Variants in ACO2 observed in about 807,000 individuals in gnomAD.
The protein encoded by ACO2 is aconitate hydratase, mitochondrial.
ACO2 carries 31 observed loss-of-function variants against 84.5 expected under a neutral mutation model. The ratio of observed to expected loss-of-function variants is 0.37; its 90% confidence interval spans 0.28 to 0.50. The LOEUF is 0.50. ACO2 is among the 20% of genes least tolerant of loss of function. The pLI, the probability that ACO2 is intolerant of heterozygous loss-of-function variation, is 0.97. For missense variants in ACO2, 685 were observed against 1,029.3 expected, an observed-to-expected ratio of 0.67 and a Z score of 4.58; for synonymous variants, 414 against 412.7, an observed-to-expected ratio of 1.00 and a Z score of -0.04.
intron 1 of ACO2, among the ~76,000 whole-genome samples, chr22:41,480,721 C>T (rs1392845952): frequency 1.3e-5 from 2 of 152,156 alleles, no homozygotes; most frequent in Non-Finnish European, 2.9e-5. Flanking sequence ...TTCTCCCCGT[C>T]CCAGTCCCCA....
At chr22:41,506,697 A>G (rs2066395987) in intron 2 of ACO2, among the ~76,000 whole-genome samples, 1 of 152,250 alleles carries the variant, frequency 6.6e-6, no homozygotes, top group East Asian at 1.9e-4. Flanking sequence ...GGTCAGGGTT[A>G]AACTCAGAGC....
intron 15 of ACO2, 81 bp from the exon 16 acceptor site, chr22:41,527,207 G>A: frequency 2.5e-6 from 4 of 1,602,370 alleles, no homozygotes; most frequent in South Asian, 1.1e-5. Context: ...CGCCAGGTGG[G>A]TGAGGCCAGG....
At position 41,507,797 on chromosome 22, in the gene ACO2, C is replaced by T; in HGVS notation, c.180C>T (p.Asn60=). ...TCTGCTCTTCTCCCCACAGACTGAA[C>T]CGGCCGCTGACACTCTCGGAGAAGA... is the stretch of plus-strand genomic sequence containing the variant. ...KNINIVRKRL[N]RPLTLSEKIV... is the part of the protein sequence containing the mutation. Residue 60 remains asparagine (N), a synonymous_variant, in exon 3 of 18, where the codon AAC becomes AAT. Transcript: ENST00000216254. 6.2e-7 allele frequency: 1 copy of T among 1,613,442 alleles called. No homozygotes were observed. The highest frequency in any genetic ancestry group is 1.6e-4 in the Middle Eastern group (1 of 6,062).
intron 1 of ACO2, among the ~76,000 whole-genome samples, chr22:41,479,344 T>C (rs2038059736): frequency 6.6e-6 from 1 of 152,192 alleles, no homozygotes; most frequent in African/African-American, 2.4e-5. Flanking sequence ...AACTAGGTCT[T>C]GTTTTACAAA....
Position 41,515,727 on chromosome 22 carries a change from C to T in ACO2, c.685-40C>T. 1 of 1,611,932 alleles carries T rather than the reference C, an allele frequency of 6.2e-7. No homozygotes were observed. Among genetic ancestry groups the T allele is most frequent in the South Asian group, 1.1e-5 (1 of 90,996 alleles). On this transcript the variant is annotated intron_variant, in intron 5 of 17. Coordinates refer to ENST00000216254, the MANE Select transcript of ACO2 (RefSeq NM_001098.3). The surrounding 1 kb of genome is among the most constrained non-coding windows in gnomAD (Gnocchi z 5.8). ...CCTGACTTCGTGGCTGGCACAGGCA[C>T]ACACGGCCTCTCACAGCCGCCTCGC...
At chr22:41,522,604 G>A (rs1471391757) in intron 9 of ACO2, among the ~76,000 whole-genome samples, 1 of 152,160 alleles carries the variant, frequency 6.6e-6, no homozygotes, top group East Asian at 1.9e-4. Context: ...TCAGCATCAT[G>A]GCCAATGGCT....
At chr22:41,504,532 T>C (rs1320865213) in intron 2 of ACO2, among the ~76,000 whole-genome samples, 1 of 152,138 alleles carries the variant, frequency 6.6e-6, no homozygotes, top group Non-Finnish European at 1.5e-5. Flanking sequence ...CCATGTGCTA[T>C]TTTTTGTCTC....
chr22:41,500,473 C>T (rs2066346602), intron 2 of ACO2, among the ~76,000 whole-genome samples: 1 of 151,536 alleles, frequency 6.6e-6, no homozygotes, highest in African/African-American at 2.4e-5. Flanking sequence ...CAACCTCTGT[C>T]TCCCCAGTTG....
chr22:41,489,675 G>A (rs2066257702), intron 1 of ACO2, among the ~76,000 whole-genome samples: 1 of 151,330 alleles, frequency 6.6e-6, no homozygotes, highest in South Asian at 2.1e-4. Flanking sequence ...AACATTCTGG[G>A]CAAGACTTCT....
chr22:41,521,226 C>G (rs1450488426), intron 9 of ACO2: 1 of 152,184 alleles, frequency 6.6e-6, no homozygotes, highest in Non-Finnish European at 1.5e-5. Context: ...GTATTGTGTG[C>G]ATAGATTTTC....
At chr22:41,498,786 C>T (rs527284193) in intron 1 of ACO2, among the ~76,000 whole-genome samples, 11 of 152,184 alleles carry the variant, frequency 7.2e-5, no homozygotes, top group African/African-American at 2.6e-4. Context: ...GAAGTAAGTC[C>T]GCCACACATT....
Position 41,524,982 on chromosome 22 carries a change from C to T in ACO2, c.1605+14C>T. 2.5e-6 allele frequency: 4 copies of T among 1,614,132 alleles called. 1 individual carries two copies. The South Asian group carries it at 3.3e-5, about 13-fold the overall frequency. ...CTTCCCAAAGGGGTGAGCGCCCACGCCCCCTGCTTGCTGGTTGCTGTGTGG... is the reference window on the plus strand; with the variant it reads ...CTTCCCAAAGGGGTGAGCGCCCACGTCCCCTGCTTGCTGGTTGCTGTGTGG... On this transcript the variant is annotated intron_variant, in intron 13 of 17. Transcript: ENST00000216254.
rs188756831 is a variant in ACO2, at chr22:41,511,620, C to T, written c.433-256C>T. ...CCAGGGCAGGGACTTGTTCCAGACCCACCACCCTGGCCAGGTGTCACAGAA... is the reference window on the plus strand; with the variant it reads ...CCAGGGCAGGGACTTGTTCCAGACCTACCACCCTGGCCAGGTGTCACAGAA... On this transcript the variant is annotated intron_variant, in intron 3 of 17. Transcript: ENST00000216254. 5.1e-4 allele frequency among the ~76,000 whole-genome samples: 77 copies of T among 152,352 alleles called. 1 individual carries two copies. Among genetic ancestry groups the T allele is most frequent in the Middle Eastern group, 6.8e-3 (2 of 294 alleles).
At chr22:41,500,637 G>C (rs761728234) in intron 2 of ACO2, among the ~76,000 whole-genome samples, 1 of 151,810 alleles carries the variant, frequency 6.6e-6, no homozygotes, top group South Asian at 2.1e-4. Flanking sequence ...AGCTTGCCTC[G>C]GCTTCCCAAA....
In ACO2 at chr22:41,507,899, C is replaced by T. The variant is rs142651093; in HGVS notation, c.282C>T (p.Asp94=). The change falls in exon 3 of 18, where the codon GAC becomes GAT. Residue 94 remains aspartate, a synonymous_variant. Coordinates refer to ENST00000216254, the MANE Select transcript of ACO2 (RefSeq NM_001098.3). ...RGKSYLRLRP[D]RVAMQDATAQ... ...AGTCGTACCTGCGGCTGCGGCCGGA[C>T]CGTGTGGCCATGCAGGATGCGACGG... The T allele has an allele frequency of 7.3e-4, 1,179 of 1,614,112 alleles. No individual in the cohort carries two copies. The highest frequency in any genetic ancestry group is 9.5e-4 in the Non-Finnish European group (1,124 of 1,180,056).
chr22:41,514,159 T>C (rs916209384), intron 4 of ACO2, among the ~76,000 whole-genome samples: 1 of 152,180 alleles, frequency 6.6e-6, no homozygotes, highest in Non-Finnish European at 1.5e-5. Flanking sequence ...AGGCAGATGC[T>C]TGTCCTGAGG....
At chr22:41,511,113 T>C (rs2146119366) in intron 3 of ACO2, among the ~76,000 whole-genome samples, 1 of 152,330 alleles carries the variant, frequency 6.6e-6, no homozygotes, top group African/African-American at 2.4e-5. Flanking sequence ...TCAAGTGATC[T>C]TCCTGCCTCG....
At chr22:41,475,117 G>A (rs1601876079) in intron 1 of ACO2, among the ~76,000 whole-genome samples, 1 of 149,516 alleles carries the variant, frequency 6.7e-6, no homozygotes, top group African/African-American at 2.5e-5. Context: ...GTCCAAGAGG[G>A]CCATCTTGTA....
intron 1 of ACO2, among the ~76,000 whole-genome samples, chr22:41,472,151 G>A (rs1261988348): frequency 5.9e-5 from 9 of 152,030 alleles, no homozygotes; most frequent in African/African-American, 1.7e-4. Context: ...TCAGGAGTTC[G>A]AGACCAGCCT....
Sources: allele counts gnomAD v4.1 joint callset (sites outside exome capture counted in the v4.1 genomes callset), GRCh38; gene constraint gnomAD v4.1.1; non-coding constraint Gnocchi (gnomAD v3.1); transcripts MANE v1.5; gene names NCBI Gene and HGNC (gene_info 2026-07-23, HGNC 2026-07-21).